Variants in TANC1 observed in about 807,000 individuals in gnomAD.
TANC1 encodes the protein protein TANC1.
A neutral mutation model predicts 149.7 loss-of-function variants in TANC1; 77 were observed. That is an observed-to-expected ratio of 0.51 (90% CI 0.43 to 0.62). The LOEUF (loss-of-function observed/expected upper bound fraction) is 0.62. TANC1 is among the 20% of genes least tolerant of loss of function. TANC1 has a pLI of 0.00. For missense variants in TANC1, 1,985 were observed against 2,321.8 expected (o/e 0.85, Z 2.98); for synonymous variants, 854 against 925.0 (o/e 0.92, Z 1.39).
rs2150485170 is a variant in TANC1, at chr2:159,172,165, C to T, written c.1396C>T (p.Pro466Ser). The stretch of plus-strand genomic sequence containing the variant: ...TCTTCATTTCACTCCGTTGCTTTCA[C>T]CGAGTTCTTCCACAAGTGCTTCCAG... ...QDLHFTPLLS[P>S]SSSTSASSTA... Residue 466 changes from proline to serine, a missense_variant, in exon 11 of 27, where the codon CCG (proline) becomes TCG (serine). Coordinates refer to ENST00000263635, the MANE Select transcript of TANC1 (RefSeq NM_033394.3). 6.2e-7 allele frequency: 1 copy of T among 1,614,176 alleles called. No homozygotes were observed. Among genetic ancestry groups the T allele is most frequent in the East Asian group, 2.2e-5 (1 of 44,878 alleles).
intron 2 of TANC1, among the ~76,000 whole-genome samples, chr2:159,037,472 G>A (rs1264008208): frequency 2.6e-5 from 4 of 152,082 alleles, no homozygotes; most frequent in African/African-American, 9.7e-5. Context: ...TTTCTTCTAG[G>A]GCTTTCATGG....
chr2:159,168,102 T>G (rs2054793487), intron 8 of TANC1, among the ~76,000 whole-genome samples: 1 of 152,188 alleles, frequency 6.6e-6, no homozygotes, highest in Non-Finnish European at 1.5e-5. Context: ...AGATCAACAG[T>G]ACTTCATGTT....
At chr2:159,051,166 T>A (rs1054317281) in intron 2 of TANC1, among the ~76,000 whole-genome samples, 1 of 152,204 alleles carries the variant, frequency 6.6e-6, no homozygotes, top group Admixed American at 6.5e-5. Context: ...TGGGTTCTAA[T>A]TGGGCTGTTT....
At chr2:159,224,705 G>A (rs1015717761) in intron 23 of TANC1, 5 of 252,300 alleles carry the variant, frequency 2.0e-5, no homozygotes, top group South Asian at 7.3e-5. Context: ...GAGCAGCAGC[G>A]GAGGCTGAGC....
chr2:159,140,686 A>ATTTTTTTTTTTTTTTTTTTTTTTTT (rs375936311), intron 5 of TANC1, among the ~76,000 whole-genome samples: 1 of 109,802 alleles, frequency 9.1e-6, no homozygotes. Flanking sequence ...GAGATTCTCT[A>ATTTTTTTTTTTTTTTTTTTTTTTTT]TTTTTTTTTT....
intron 5 of TANC1, among the ~76,000 whole-genome samples, chr2:159,139,929 A>C (rs371356597): frequency 6.6e-5 from 10 of 152,154 alleles, no homozygotes; most frequent in African/African-American, 2.4e-4. Flanking sequence ...AAAGAGGTAT[A>C]AAGCATAAAG....
chr2:159,149,401 G>A, intron 6 of TANC1, 129 bp downstream of exon 6: 1 of 1,379,226 alleles, frequency 7.3e-7, no homozygotes, highest in Non-Finnish European at 1.0e-6. Flanking sequence ...GTTGTGTATT[G>A]AAATTTATTT....
intron 1 of TANC1, among the ~76,000 whole-genome samples, chr2:158,988,514 A>C (rs960503995): frequency 1.3e-5 from 2 of 151,454 alleles, no homozygotes; most frequent in Admixed American, 6.6e-5. Context: ...ATCTTCCTTT[A>C]TTTTCCCCTC....
chr2:159,025,706 T>A (rs2039285843), intron 2 of TANC1, among the ~76,000 whole-genome samples: 1 of 152,204 alleles, frequency 6.6e-6, no homozygotes, highest in South Asian at 2.1e-4. Flanking sequence ...ACCATATTTT[T>A]ATTTATTTCT....
rs115584414 is a variant in TANC1, at chr2:159,182,987, G to A, written c.2511-2804G>A. ...CATCAGAATGAGCAGGCCGTGTTCT[G>A]CAACAGCAAATCTAGTTTGACTTGA... On this transcript the variant is annotated intron_variant, in intron 14 of 26. Transcript: ENST00000263635. Among the ~76,000 whole-genome samples, 1,520 of 152,346 alleles carry A rather than the reference G, an allele frequency of 1.0e-2. 15 individuals carry two copies. The highest frequency in any genetic ancestry group is 0.024 in the South Asian group (117 of 4,822).
At chr2:159,135,522 A>G (rs1367093612) in intron 4 of TANC1, among the ~76,000 whole-genome samples, 2 of 152,254 alleles carry the variant, frequency 1.3e-5, no homozygotes, top group Non-Finnish European at 2.9e-5. Flanking sequence ...GGTTCCATCC[A>G]GTCTTACGAA....
intron 4 of TANC1, 59 bp from the exon 5 acceptor site, chr2:159,136,135 T>G (rs2050718014): frequency 9.7e-7 from 1 of 1,033,644 alleles, no homozygotes; most frequent in Admixed American, 1.7e-5. Context: ...CACTGTACAT[T>G]CCAAGGCTTT....
At chr2:159,136,788 C>CAAAAAA (rs34488237) in intron 5 of TANC1, among the ~76,000 whole-genome samples, 5 of 119,096 alleles carry the variant, frequency 4.2e-5, no homozygotes, top group Non-Finnish European at 3.4e-5. Flanking sequence ...GAAGTAGGAG[C>CAAAAAA]AAAAAAAAAA....
intron 19 of TANC1, among the ~76,000 whole-genome samples, chr2:159,209,118 G>A (rs2058821302): frequency 1.3e-5 from 2 of 152,206 alleles, no homozygotes; most frequent in Non-Finnish European, 2.9e-5. Context: ...CATTTGTGAG[G>A]TCACTGAGCA....
intron 3 of TANC1, among the ~76,000 whole-genome samples, chr2:159,089,348 AG>A (rs1213734560): frequency 7.2e-5 from 11 of 152,300 alleles, no homozygotes; most frequent in Admixed American, 3.9e-4. Context: ...AGGCCTTGCC[AG>A]GACTGCTAGC....
chr2:159,112,210 CAG>C (rs1052416512), intron 4 of TANC1, among the ~76,000 whole-genome samples: 5 of 152,106 alleles, frequency 3.3e-5, no homozygotes, highest in African/African-American at 1.2e-4. Context: ...AAAATATTCT[CAG>C]TAAGTTTTTT....
chr2:159,230,578 C>A lies in TANC1; in HGVS notation c.5152C>A (p.Pro1718Thr), dbSNP rs1363955237. 1 of 1,614,170 alleles carries A rather than the reference C, an allele frequency of 6.2e-7. No homozygotes were observed. The highest frequency in any genetic ancestry group is 8.5e-7 in the Non-Finnish European group (1 of 1,180,034). Residue 1718 changes from proline (P) to threonine (T), a missense_variant, in exon 27 of 27, where the codon CCC becomes ACC. Around this residue, in one of 3 missense-constraint regions of TANC1, gnomAD observed 920 missense variants for 994.7 expected, o/e 0.92. Coordinates refer to ENST00000263635, the MANE Select transcript of TANC1 (RefSeq NM_033394.3). This position sits in a 1 kb window ranked among gnomAD's most constrained non-coding sequence, Gnocchi z 4.4. ...HVQSGTAEHR[P>T]RNTPFMGIMD... ...TCAGAGCGGTACAGCTGAGCACAGA[C>A]CCCGCAACACGCCGTTCATGGGCAT...
chr2:159,070,662 G>A (rs893450698), intron 3 of TANC1, among the ~76,000 whole-genome samples: 1 of 152,148 alleles, frequency 6.6e-6, no homozygotes, highest in Non-Finnish European at 1.5e-5. Flanking sequence ...ATAAATGGCC[G>A]AACCTGGTTC....
chr2:159,178,956 T>G lies in TANC1; in HGVS notation c.2303T>G (p.Met768Arg), dbSNP rs774987151. The stretch of plus-strand genomic sequence containing the variant: ...GTGGCCCTCGCATCCCTCCACCCCA[T>G]GACAGACGAGCAGATCTTTCAGGCT... ...LNVALASLHPMTDEQIFQAIN... is the reference protein window; with the variant it reads ...LNVALASLHPRTDEQIFQAIN... The change falls in exon 14 of 27, where the codon ATG becomes AGG. Residue 768 changes from methionine (M) to arginine (R), a missense_variant. Around this residue, in one of 3 missense-constraint regions of TANC1, gnomAD observed 508 missense variants for 714.2 expected, o/e 0.71. Coordinates refer to ENST00000263635, the MANE Select transcript of TANC1 (RefSeq NM_033394.3). 6.2e-7 allele frequency: 1 copy of G among 1,614,026 alleles called. No homozygotes were observed. The highest frequency in any genetic ancestry group is 2.2e-5 in the East Asian group (1 of 44,888).
Sources: gnomAD v4.1 joint callset for allele counts (sites outside exome capture counted in the v4.1 genomes callset) on GRCh38, gnomAD v4.1.1 for gene constraint, gnomAD v4.1.1 regional missense constraint, Gnocchi (gnomAD v3.1) non-coding constraint, MANE v1.5 for transcripts, NCBI Gene and HGNC (gene_info 2026-07-23, HGNC 2026-07-21) for gene names.